Variants in SORCS2 observed in about 807,000 individuals in gnomAD.
SORCS2 encodes the protein VPS10 domain-containing receptor SorCS2.
Under a neutral mutation model 141.6 loss-of-function variants are expected in SORCS2, and 100 were observed. That is an observed-to-expected ratio of 0.71 (90% CI 0.60 to 0.83). The LOEUF (loss-of-function observed/expected upper bound fraction) is 0.83, where lower values mean the gene tolerates loss of function less well. SORCS2 is among the 40% of genes least tolerant of loss of function. SORCS2 has a pLI of 0.00. For missense variants in SORCS2, 1,646 were observed against 1,560.2 expected, an observed-to-expected ratio of 1.05 and a Z score of -0.93; for synonymous variants, 789 against 676.9, an observed-to-expected ratio of 1.17 and a Z score of -2.57.
At chr4:7,252,971 G>C (rs944352553) in intron 1 of SORCS2, among the ~76,000 whole-genome samples, 1 of 152,258 alleles carries the variant, frequency 6.6e-6, no homozygotes, top group Non-Finnish European at 1.5e-5. Context: ...CTGCATGACT[G>C]TCCCAGCTCA....
intron 3 of SORCS2, among the ~76,000 whole-genome samples, chr4:7,590,111 G>A (rs1015484056): frequency 1.3e-5 from 2 of 152,218 alleles, no homozygotes; most frequent in African/African-American, 4.8e-5. Flanking sequence ...ATAAGAGAAG[G>A]AAGCTAGTGC....
rs528257851 is a variant in SORCS2 at position 7,741,751 on chromosome 4, G to C, written c.*1487G>C. 1 of 155,266 alleles carries C rather than the reference G, an allele frequency of 6.4e-6. No individual in the cohort carries two copies. The highest frequency in any genetic ancestry group is 2.4e-5 in the African/African-American group (1 of 41,666). 9.6% of individuals were successfully genotyped at this position (155,266 alleles called of 1,614,324 possible). A position where few individuals can be genotyped will look rare whatever the true frequency, so the allele number is the denominator to read the frequency against. On this transcript the variant is annotated 3_prime_UTR_variant, in exon 27 of 27. Transcript: ENST00000507866. Reference sequence around the variant, plus strand: ...CTGGCTGGTGACATGCTGGCTGGGGGTGAATCCGAATGACAGTGCAGACGT... The same window carrying C: ...CTGGCTGGTGACATGCTGGCTGGGGCTGAATCCGAATGACAGTGCAGACGT...
chr4:7,527,056 G>T (rs935673773), intron 2 of SORCS2, among the ~76,000 whole-genome samples: 1 of 152,200 alleles, frequency 6.6e-6, no homozygotes, highest in African/African-American at 2.4e-5. Context: ...GCGGGTCAGT[G>T]GTGCTGCCCG....
rs369121399 is a variant in SORCS2 at position 7,272,714 on chromosome 4, C to T, written c.480+79588C>T. ...GAATTTCCAGGGGATGGACAATTTG[C>T]GAAGGAACAATACCATCCGCGGCAT... On this transcript the variant is annotated intron_variant, in intron 1 of 26. Coordinates refer to ENST00000507866, the MANE Select transcript of SORCS2 (RefSeq NM_020777.3). Among the ~76,000 whole-genome samples the T allele has an allele frequency of 7.0e-4, 106 of 152,324 alleles. 1 individual carries two copies. In the East Asian group the frequency reaches 0.014, roughly 20 times the overall value.
intron 1 of SORCS2, among the ~76,000 whole-genome samples, chr4:7,280,214 A>G (rs1715781066): frequency 1.3e-5 from 2 of 152,166 alleles, no homozygotes; most frequent in Admixed American, 6.5e-5. Flanking sequence ...GGGTACCCAC[A>G]GAGAAACAGG....
At position 7,347,061 on chromosome 4, in the gene SORCS2, T is replaced by TA. The variant is rs1720689889; in HGVS notation, c.481-49221dup. ...ATGAATTATATTAATAATGATTATT[T>TA]AAAAAATTTAGTGCTTGAGGATGGC... is the stretch of plus-strand genomic sequence containing the variant. On this transcript the variant is annotated intron_variant, in intron 1 of 26. Coordinates refer to ENST00000507866, the MANE Select transcript of SORCS2 (RefSeq NM_020777.3). Among the ~76,000 whole-genome samples, 3 of 152,330 alleles carry TA rather than the reference T, an allele frequency of 2.0e-5. No homozygotes were observed. In the South Asian group the frequency reaches 6.2e-4, roughly 32 times the overall value.
At chr4:7,599,021 C>T (rs1014550171) in intron 3 of SORCS2, among the ~76,000 whole-genome samples, 1 of 152,194 alleles carries the variant, frequency 6.6e-6, no homozygotes, top group Non-Finnish European at 1.5e-5. Flanking sequence ...AGGAGGCAGC[C>T]GGGAGAAGTG....
chr4:7,724,456 ATGGTGG>A (rs1175354716), intron 19 of SORCS2, among the ~76,000 whole-genome samples: 4,085 of 82,420 alleles, frequency 0.05, 56 homozygotes, highest in African/African-American at 0.17. Context: ...GGTGGTGGTG[ATGGTGG>A]TGGTGATGGT....
At chr4:7,258,359 A>G (rs1005969443) in intron 1 of SORCS2, among the ~76,000 whole-genome samples, 6 of 151,962 alleles carry the variant, frequency 3.9e-5, no homozygotes, top group Admixed American at 2.6e-4. Flanking sequence ...ATGTGTTCTC[A>G]TTGTTCAGCT....
At chr4:7,637,656 AC>A (rs1720352316) in intron 3 of SORCS2, among the ~76,000 whole-genome samples, 1 of 151,528 alleles carries the variant, frequency 6.6e-6, no homozygotes, top group Admixed American at 6.6e-5. Flanking sequence ...TTTCTGCAGC[AC>A]CCCCTCCCTG....
intron 2 of SORCS2, among the ~76,000 whole-genome samples, chr4:7,471,335 G>A (rs1729964023): frequency 6.6e-6 from 1 of 152,250 alleles, no homozygotes; most frequent in South Asian, 2.1e-4. Flanking sequence ...GGAGACAGTG[G>A]CTCTGTGGTC....
chr4:7,272,848 G>T (rs981913340), intron 1 of SORCS2, among the ~76,000 whole-genome samples: 1 of 152,266 alleles, frequency 6.6e-6, no homozygotes, highest in Non-Finnish European at 1.5e-5. Flanking sequence ...AAAATTTCCA[G>T]AGCATTCCTG....
At chr4:7,400,695 A>G (rs924794525) in intron 2 of SORCS2, among the ~76,000 whole-genome samples, 18 of 152,098 alleles carry the variant, frequency 1.2e-4, no homozygotes, top group Non-Finnish European at 2.2e-4. Context: ...TGACAGATGG[A>G]TGGATGAATG....
intron 1 of SORCS2, among the ~76,000 whole-genome samples, chr4:7,349,256 C>T (rs896061860): frequency 8.5e-5 from 13 of 152,160 alleles, no homozygotes; most frequent in Admixed American, 2.0e-4. Flanking sequence ...CCACCCCTGC[C>T]GTAGGGAGCA....
chr4:7,299,991 A>C (rs2108896908), intron 1 of SORCS2, among the ~76,000 whole-genome samples: 1 of 152,306 alleles, frequency 6.6e-6, no homozygotes, highest in Non-Finnish European at 1.5e-5. Flanking sequence ...GGCAGGAGTC[A>C]GGGCTTGGTC....
intron 1 of SORCS2, among the ~76,000 whole-genome samples, chr4:7,306,668 G>A (rs2108910851): frequency 6.6e-6 from 1 of 152,276 alleles, no homozygotes. Context: ...GGGGAAGGAG[G>A]GTGGGAAGTG....
At chr4:7,706,605 GCAGGGATGAGGCTGGCCTCTGCCTGGA>G (rs1375308971) in intron 14 of SORCS2, among the ~76,000 whole-genome samples, 1 of 144,518 alleles carries the variant, frequency 6.9e-6, no homozygotes, top group Non-Finnish European at 1.5e-5. Flanking sequence ...ATGAGGCTGG[GCAGGGATGAGGCTGGCCTCTGCCTGGA>G]CAGGGATGAG....
intron 1 of SORCS2, among the ~76,000 whole-genome samples, chr4:7,314,811 T>TG (rs1560185586): frequency 1.3e-5 from 1 of 78,180 alleles, no homozygotes; most frequent in African/African-American, 4.1e-5. Context: ...TTTTTTTTTT[T>TG]TTTTTTTTTT....
rs1442465658 is a variant in SORCS2, at chr4:7,433,366, C to A, written c.548+37011C>A. On this transcript the variant is annotated intron_variant, in intron 2 of 26. Transcript: ENST00000507866. ...CATCTCTTTCCATACATGCTTCTGG[C>A]AGTGTTGCACAGCGTTGCACAGCTT... 5 of 1,453,310 alleles carry A rather than the reference C, an allele frequency of 3.4e-6. No homozygotes were observed. The highest frequency in any genetic ancestry group is 4.5e-6 in the Non-Finnish European group (5 of 1,100,434). The allele number at this position is 1,453,310 out of a possible 1,614,324, so 90.0% of individuals were successfully genotyped here. A position where few individuals can be genotyped will look rare whatever the true frequency, so the allele number is the denominator to read the frequency against.
Sources: gnomAD v4.1 joint callset for allele counts (sites outside exome capture counted in the v4.1 genomes callset) on GRCh38, gnomAD v4.1.1 for gene constraint, MANE v1.5 for transcripts, NCBI Gene and HGNC (gene_info 2026-07-23, HGNC 2026-07-21) for gene names.